Variants in B4GALT6 observed in about 807,000 individuals in gnomAD.
The protein encoded by B4GALT6 is UDP-Gal:beta-GlcNAc beta-1,4-galactosyltransferase 6.
A neutral mutation model predicts 46.3 loss-of-function variants in B4GALT6; 14 were observed. That is an observed-to-expected ratio of 0.30 (90% CI 0.20 to 0.47). The LOEUF is 0.47. Among genes scored for constraint, B4GALT6 ranks in the 20% least tolerant of loss-of-function variants. The probability of loss-of-function intolerance (pLI) is 0.99; values close to 1 mark genes in which losing one functional copy is unlikely to be tolerated. For synonymous variants in B4GALT6, 168 were observed against 162.0 expected (o/e 1.04, Z -0.28); for missense variants, 386 against 480.1 (o/e 0.80, Z 1.83).
chr18:31,635,188 G>A (rs1004015039), intron 5 of B4GALT6, among the ~76,000 whole-genome samples: 2 of 151,526 alleles, frequency 1.3e-5, no homozygotes, highest in African/African-American at 2.4e-5. Flanking sequence ...CCGAGATCAC[G>A]CCACTGCACT....
intron 4 of B4GALT6, among the ~76,000 whole-genome samples, chr18:31,643,902 C>CA (rs1468564857): frequency 6.6e-6 from 1 of 152,210 alleles, no homozygotes; most frequent in African/African-American, 2.4e-5. Context: ...TGCTATCCCA[C>CA]AGCCTCGGTG....
At chr18:31,638,200 G>A (rs2073884830) in intron 5 of B4GALT6, among the ~76,000 whole-genome samples, 1 of 151,930 alleles carries the variant, frequency 6.6e-6, no homozygotes, top group African/African-American at 2.4e-5. Flanking sequence ...AAATATATGG[G>A]CCCAATCCAA....
At chr18:31,699,540 CT>C in the B4GALT6 span, among the ~76,000 whole-genome samples, 7 of 150,544 alleles carry the variant, frequency 4.6e-5, no homozygotes, top group Non-Finnish European at 7.4e-5. Flanking sequence ...TCCCAAAGTG[CT>C]GGGATTACAG....
Position 31,631,014 on chromosome 18 carries a change from C to G in B4GALT6, c.721G>C (p.Gly241Arg). Residue 241 changes from glycine (G) to arginine (R), a missense_variant, in exon 6 of 9, where the codon GGA becomes CGA. Transcript: ENST00000306851. The stretch of plus-strand genomic sequence containing the variant: ...AAATGACGTGGCATTTCTCCACATC[C>G]GTAATAGTTCCGGTCATTTTCAGGT... ...HLPENDRNYY[G>R]CGEMPRHFAA... The G allele has an allele frequency of 6.2e-7, 1 of 1,614,120 alleles. No individual in the cohort carries two copies. The highest frequency in any genetic ancestry group is 8.5e-7 in the Non-Finnish European group (1 of 1,180,034).
At chr18:31,656,200 A>T (rs2074136514) in intron 3 of B4GALT6, among the ~76,000 whole-genome samples, 1 of 152,220 alleles carries the variant, frequency 6.6e-6, no homozygotes, top group African/African-American at 2.4e-5. Context: ...ATCAACAATA[A>T]GCTAAAACAA....
intron 1 of B4GALT6, among the ~76,000 whole-genome samples, chr18:31,681,674 A>G (rs2074481565): frequency 6.6e-6 from 1 of 152,246 alleles, no homozygotes; most frequent in Non-Finnish European, 1.5e-5. Context: ...ATGGCAAAGA[A>G]GAGGAACTAA....
At chr18:31,712,049 T>C in the B4GALT6 span, among the ~76,000 whole-genome samples, 6 of 152,304 alleles carry the variant, frequency 3.9e-5, no homozygotes, top group South Asian at 2.1e-4. Flanking sequence ...GTTTGTTTTC[T>C]AAGCACTTTT....
At chr18:31,710,550 A>C in the B4GALT6 span, among the ~76,000 whole-genome samples, 5 of 152,176 alleles carry the variant, frequency 3.3e-5, no homozygotes, top group Non-Finnish European at 7.3e-5. Context: ...CAAGCCAAGC[A>C]GTGCCAAGGA....
At chr18:31,652,376 GAC>G (rs983471848) in intron 3 of B4GALT6, among the ~76,000 whole-genome samples, 6 of 115,702 alleles carry the variant, frequency 5.2e-5, no homozygotes, top group South Asian at 3.9e-4. Flanking sequence ...GGAGGTGTGT[GAC>G]AAGACACAGC....
At chr18:31,702,808 G>A in the B4GALT6 span, among the ~76,000 whole-genome samples, 1 of 152,184 alleles carries the variant, frequency 6.6e-6, no homozygotes, top group Non-Finnish European at 1.5e-5. Flanking sequence ...CCCAAGGTGC[G>A]GGAGCCTGAG....
At chr18:31,634,324 G>A (rs2073830141) in intron 5 of B4GALT6, among the ~76,000 whole-genome samples, 1 of 152,218 alleles carries the variant, frequency 6.6e-6, no homozygotes, top group Non-Finnish European at 1.5e-5. Context: ...GGCAGTACAA[G>A]TAAAGATGAG....
chr18:31,666,619 A>G (rs1276295597), intron 1 of B4GALT6, among the ~76,000 whole-genome samples: 1 of 152,152 alleles, frequency 6.6e-6, no homozygotes, highest in Non-Finnish European at 1.5e-5. Context: ...AACTAACTGA[A>G]CAAACTAAAA....
At chr18:31,716,034 C>A in the B4GALT6 span, among the ~76,000 whole-genome samples, 1 of 152,076 alleles carries the variant, frequency 6.6e-6, no homozygotes, top group African/African-American at 2.4e-5. Flanking sequence ...AGGTAAAACT[C>A]TAATAAATGG....
At chr18:31,634,829 C>T (rs568645643) in intron 5 of B4GALT6, among the ~76,000 whole-genome samples, 1 of 152,306 alleles carries the variant, frequency 6.6e-6, no homozygotes, top group African/African-American at 2.4e-5. Context: ...TAATATTGAT[C>T]AAGCCTGAGA....
intron 1 of B4GALT6, among the ~76,000 whole-genome samples, chr18:31,683,649 T>C (rs990260209): frequency 6.6e-6 from 1 of 152,176 alleles, no homozygotes; most frequent in African/African-American, 2.4e-5. Context: ...CAAGTTCCCT[T>C]AGATAACGGT....
At chr18:31,664,576 T>A (rs1452925468) in intron 2 of B4GALT6, among the ~76,000 whole-genome samples, 1 of 151,880 alleles carries the variant, frequency 6.6e-6, no homozygotes, top group Non-Finnish European at 1.5e-5. Context: ...AAGATTGTCT[T>A]GCCCATGTAA....
intron 5 of B4GALT6, among the ~76,000 whole-genome samples, chr18:31,632,720 A>T (rs1038953358): frequency 6.6e-5 from 10 of 152,220 alleles, no homozygotes; most frequent in African/African-American, 2.4e-4. Context: ...AATATTTAAT[A>T]TTTCTTCAGT....
the B4GALT6 span, among the ~76,000 whole-genome samples, chr18:31,692,923 C>G: frequency 6.6e-6 from 1 of 152,088 alleles, no homozygotes; most frequent in East Asian, 1.9e-4. Context: ...TATATGGGGT[C>G]CTGTAGTTTC....
At chr18:31,709,553 ATGTG>A in the B4GALT6 span, among the ~76,000 whole-genome samples, 5,505 of 126,610 alleles carry the variant, frequency 0.043, 232 homozygotes, top group African/African-American at 0.1. Context: ...TAGGATATAT[ATGTG>A]TGTGTGTGTG....
Sources: allele counts gnomAD v4.1 joint callset (sites outside exome capture counted in the v4.1 genomes callset), GRCh38; gene constraint gnomAD v4.1.1; transcripts MANE v1.5; gene names NCBI Gene and HGNC (gene_info 2026-07-23, HGNC 2026-07-21).